The following CEP120 variants were observed in gnomAD, a reference collection of about 807,000 sequenced individuals.
CEP120 encodes centrosomal protein of 120 kDa.
Under a neutral mutation model 126.5 loss-of-function variants are expected in CEP120, and 113 were observed. That is an observed-to-expected ratio of 0.89 (90% CI 0.77 to 1.04). The LOEUF (loss-of-function observed/expected upper bound fraction) is 1.04. Ranked by LOEUF, CEP120 falls within the 50% of genes least tolerant of loss-of-function variation. The pLI is 0.00. For missense variants in CEP120, 1,230 were observed against 1,155.7 expected, an observed-to-expected ratio of 1.06 and a Z score of -0.93; for synonymous variants, 400 against 394.3, an observed-to-expected ratio of 1.01 and a Z score of -0.17.
At position 123,401,259 on chromosome 5, in the gene CEP120, C is replaced by T. The variant is rs188328986; in HGVS notation, c.464-1975G>A. 13,792 of 1,610,530 alleles carry T rather than the reference C, an allele frequency of 8.6e-3. 87 individuals carry two copies. Among genetic ancestry groups the T allele is most frequent in the Non-Finnish European group, 0.01 (12,026 of 1,176,790 alleles). ...CTGCCACGCCATGTCCTGCTTGGCC[C>T]GCTGCAGGGCGGCCTCCAGCTCGAC... On this transcript the variant is annotated intron_variant, in intron 4 of 19. Transcript: ENST00000306467.
chr5:123,423,333 G>C lies in CEP120; in HGVS notation c.-335C>G, dbSNP rs1328765083. 5.8e-6 allele frequency: 2 copies of C among 343,510 alleles called. No homozygotes were observed. The highest frequency in any genetic ancestry group is 4.4e-5 in the African/African-American group (2 of 45,396). The allele number at this position is 343,510 out of a possible 1,614,324, so 21.3% of individuals were successfully genotyped here. On this transcript the variant is annotated 5_prime_UTR_variant, in exon 1 of 20. Coordinates refer to ENST00000306467, the MANE Select transcript of CEP120 (RefSeq NM_001375405.1). ...AAACGCCCGGGCGGCCGCAGCGGCC[G>C]CCGCCGCGCCCAGCTTCCGCCTAGC...
chr5:123,349,393 T>A (rs1769048943), intron 19 of CEP120, among the ~76,000 whole-genome samples: 2 of 152,174 alleles, frequency 1.3e-5, no homozygotes, highest in Admixed American at 6.5e-5. Context: ...AAACAGCTCC[T>A]GGCACAAAGT....
At chr5:123,371,902 T>C (rs1006976500) in intron 17 of CEP120, among the ~76,000 whole-genome samples, 1 of 152,122 alleles carries the variant, frequency 6.6e-6, no homozygotes, top group African/African-American at 2.4e-5. Flanking sequence ...TTACCTGTGT[T>C]ATTTTCCTCT....
intron 4 of CEP120, among the ~76,000 whole-genome samples, chr5:123,410,348 T>G (rs935523515): frequency 6.6e-5 from 10 of 152,088 alleles, no homozygotes; most frequent in Admixed American, 5.2e-4. Context: ...ATTCTTAAGT[T>G]TATATGGAGA....
At chr5:123,392,113 A>AAG (rs559425399) in intron 6 of CEP120, among the ~76,000 whole-genome samples, 155 of 152,326 alleles carry the variant, frequency 1.0e-3, no homozygotes, top group Admixed American at 4.4e-3. Context: ...TGAAAGAGTT[A>AAG]AGAGAGACCT....
intron 1 of CEP120, chr5:123,422,724 G>C (rs1001937114): frequency 4.3e-6 from 3 of 697,156 alleles, no homozygotes; most frequent in South Asian, 3.6e-5. Flanking sequence ...CTGGGGCTAC[G>C]GCTAGTCACG....
In CEP120 at chr5:123,392,835, A is replaced by G. The variant is rs1396973247; in HGVS notation, c.810+465T>C. Among the ~76,000 whole-genome samples, 14 of 152,284 alleles carry G rather than the reference A, an allele frequency of 9.2e-5. No homozygotes were observed. In the South Asian group the frequency reaches 2.3e-3, roughly 25 times the overall value. On this transcript the variant is annotated intron_variant, in intron 6 of 19. Coordinates refer to ENST00000306467, the MANE Select transcript of CEP120 (RefSeq NM_001375405.1). ...AATGTTTGCTTTTAAATGGAGTCCA[A>G]TTCAAAAATAGTTCATAAAAAATAT...
At chr5:123,367,367 A>G (rs1294218587) in intron 17 of CEP120, among the ~76,000 whole-genome samples, 1 of 151,888 alleles carries the variant, frequency 6.6e-6, no homozygotes, top group Non-Finnish European at 1.5e-5. Context: ...CATGCCTTCA[A>G]TATTTCATTT....
intron 19 of CEP120, among the ~76,000 whole-genome samples, chr5:123,348,115 TCTC>T (rs1321032260): frequency 2.0e-5 from 3 of 152,184 alleles, no homozygotes; most frequent in African/African-American, 7.2e-5. Flanking sequence ...CCACGTAAGT[TCTC>T]CTAGGCTTCT....
At chr5:123,392,939 G>C (rs552271109) in intron 6 of CEP120, among the ~76,000 whole-genome samples, 1 of 152,266 alleles carries the variant, frequency 6.6e-6, no homozygotes, top group South Asian at 2.1e-4. Context: ...TTTTGAAATC[G>C]AGAGTGTGAT....
intron 16 of CEP120, among the ~76,000 whole-genome samples, chr5:123,374,588 G>T (rs1316928482): frequency 6.6e-6 from 1 of 151,862 alleles, no homozygotes; most frequent in African/African-American, 2.4e-5. Flanking sequence ...TAAGGCATAG[G>T]ACTTACCTAA....
At chr5:123,414,936 C>T (rs930585624) in intron 3 of CEP120, among the ~76,000 whole-genome samples, 2 of 126,428 alleles carry the variant, frequency 1.6e-5, no homozygotes, top group African/African-American at 3.0e-5. Flanking sequence ...CGTGCCACTA[C>T]ACTCCAGCCT....
chr5:123,367,838 C>T (rs542699062), intron 17 of CEP120, among the ~76,000 whole-genome samples: 10 of 152,006 alleles, frequency 6.6e-5, no homozygotes, highest in South Asian at 4.1e-4. Context: ...ACAAAACTCT[C>T]AATCAGACAT....
intron 4 of CEP120, chr5:123,403,164 T>C (rs553073510): frequency 2.4e-4 from 99 of 405,782 alleles, no homozygotes; most frequent in Non-Finnish European, 4.4e-4. Flanking sequence ...TTCCCTCACT[T>C]TGTCTACTGA....
In CEP120 at chr5:123,399,294, G is replaced by T; in HGVS notation, c.464-10C>A. The T allele has an allele frequency of 1.2e-6, 2 of 1,612,092 alleles. No individual in the cohort carries two copies. Among genetic ancestry groups the T allele is most frequent in the South Asian group, 1.1e-5 (1 of 90,864 alleles). On this transcript the variant is annotated splice_polypyrimidine_tract_variant and intron_variant, in intron 4 of 19. Coordinates refer to ENST00000306467, the MANE Select transcript of CEP120 (RefSeq NM_001375405.1). The stretch of plus-strand genomic sequence containing the variant: ...GCCAGGATGGCAGGTACTTTACAGA[G>T]AAAAACACGATTAAACTACATTGTA...
rs74938108 is a variant in CEP120 at position 123,377,465 on chromosome 5, C to T, written c.2267G>A (p.Arg756His). ...RNLQELQDSIRRAKEDCIHQV... is the reference protein window; with the variant it reads ...RNLQELQDSIHRAKEDCIHQV... The stretch of plus-strand genomic sequence containing the variant: ...GTGAATACAGTCCTCTTTGGCCCTA[C>T]GGATAGAGTCCTGCAGTTCTTGCAG... The change falls in exon 16 of 20, where the codon CGT (arginine) becomes CAT (histidine). Residue 756 changes from arginine (R) to histidine (H), a missense_variant. Transcript: ENST00000306467. 8.0e-5 allele frequency: 129 copies of T among 1,610,692 alleles called. No homozygotes were observed. The highest frequency in any genetic ancestry group is 4.0e-5 in the African/African-American group (3 of 74,804).
At chr5:123,402,119 G>C (rs1773290801) in intron 4 of CEP120, 1 of 1,580,102 alleles carries the variant, frequency 6.3e-7, no homozygotes, top group Non-Finnish European at 8.7e-7. Flanking sequence ...CCAGGACAAG[G>C]GGGCTCAGCA....
chr5:123,394,756 G>A (rs1020975313), intron 5 of CEP120, among the ~76,000 whole-genome samples: 2 of 152,206 alleles, frequency 1.3e-5, no homozygotes, highest in African/African-American at 2.4e-5. Flanking sequence ...TAAGTGAGGA[G>A]ATTTTAATCA....
At chr5:123,392,627 C>T (rs936439594) in intron 6 of CEP120, among the ~76,000 whole-genome samples, 5 of 152,140 alleles carry the variant, frequency 3.3e-5, no homozygotes, top group Non-Finnish European at 7.3e-5. Flanking sequence ...CCTTCCACCT[C>T]ACCCTCCCGA....
Sources: gnomAD v4.1 joint callset for allele counts (sites outside exome capture counted in the v4.1 genomes callset) on GRCh38, gnomAD v4.1.1 for gene constraint, MANE v1.5 for transcripts, NCBI Gene and HGNC (gene_info 2026-07-23, HGNC 2026-07-21) for gene names.